CHLSN: variants seen among roughly 807,000 people sequenced by gnomAD.
The protein encoded by CHLSN is cholesin.
At chr7:1,126,359 CAAAAAAAAA>C in the CHLSN span, among the ~76,000 whole-genome samples, 5 of 40,514 alleles carry the variant, frequency 1.2e-4, no homozygotes, top group East Asian at 2.7e-3. Context: ...GACTCTGTCT[CAAAAAAAAA>C]AAAAAAAAAA....
the CHLSN span, chr7:1,058,269 A>T: frequency 2.1e-5 from 16 of 772,312 alleles, no homozygotes; most frequent in Non-Finnish European, 1.9e-5. Flanking sequence ...ACACTATCTG[A>T]TCCTGCTGGG....
chr7:1,090,477 T>C, the CHLSN span, among the ~76,000 whole-genome samples: 1 of 134,262 alleles, frequency 7.4e-6, no homozygotes, highest in East Asian at 2.2e-4. Flanking sequence ...TGACACGGGG[T>C]GGGTGATGGG....
At chr7:999,875 C>T in the CHLSN span, among the ~76,000 whole-genome samples, 2 of 152,240 alleles carry the variant, frequency 1.3e-5, no homozygotes, top group African/African-American at 4.8e-5. Flanking sequence ...CGCCCAGCAG[C>T]CGGGTTTAGT....
the CHLSN span, among the ~76,000 whole-genome samples, chr7:1,052,161 C>G: frequency 6.6e-6 from 1 of 152,252 alleles, no homozygotes; most frequent in Admixed American, 6.5e-5. The surrounding 1 kb of genome is among the most constrained non-coding windows in gnomAD (Gnocchi z 4.2). Context: ...CCTCCTGGCC[C>G]GAGATGCTGT....
the CHLSN span, chr7:1,021,325 C>A: frequency 2.4e-5 from 23 of 965,978 alleles, no homozygotes; most frequent in Non-Finnish European, 2.7e-5. Flanking sequence ...TTTCTTCTTC[C>A]CCAGAAGCCT....
At chr7:1,049,212 C>T in the CHLSN span, among the ~76,000 whole-genome samples, 1 of 152,254 alleles carries the variant, frequency 6.6e-6, no homozygotes, top group Non-Finnish European at 1.5e-5. Context: ...GTTTCCCCTG[C>T]ACACGTGTCC....
the CHLSN span, chr7:1,087,186 A>C: frequency 2.6e-5 from 4 of 152,214 alleles, no homozygotes; most frequent in African/African-American, 9.7e-5. Context: ...TGAAATCCGC[A>C]ACCATGAGCA....
chr7:1,019,766 T>C, the CHLSN span, among the ~76,000 whole-genome samples: 6 of 152,212 alleles, frequency 3.9e-5, no homozygotes, highest in Non-Finnish European at 5.9e-5. Context: ...ACTGGTTGGC[T>C]GTGGCCCTGA....
At chr7:1,092,766 G>C in the CHLSN span, 3 of 1,613,608 alleles carry the variant, frequency 1.9e-6, no homozygotes. Flanking sequence ...CAAATTTGCC[G>C]GCCCTGAACC....
chr7:1,019,117 G>A, the CHLSN span, among the ~76,000 whole-genome samples: 8 of 149,684 alleles, frequency 5.3e-5, no homozygotes, highest in East Asian at 5.9e-4. Context: ...GCTTGAACCC[G>A]CGGGGGGCAG....
the CHLSN span, among the ~76,000 whole-genome samples, chr7:1,098,833 G>T: frequency 6.6e-6 from 1 of 152,256 alleles, no homozygotes; most frequent in African/African-American, 2.4e-5. Context: ...GGGGTGAGCG[G>T]GGGACGGGGA....
At chr7:985,019 T>G in the CHLSN span, 2 of 1,611,928 alleles carry the variant, frequency 1.2e-6, no homozygotes, top group South Asian at 2.2e-5. Flanking sequence ...CTGCACAGCC[T>G]GGGCGTGGGC....
chr7:1,055,275 A>G, the CHLSN span: 1 of 471,050 alleles, frequency 2.1e-6, no homozygotes, highest in African/African-American at 2.0e-5. Context: ...GGAACTTACC[A>G]GAGGAAAACA....
chr7:1,031,915 C>T, the CHLSN span, among the ~76,000 whole-genome samples: 11 of 152,120 alleles, frequency 7.2e-5, no homozygotes, highest in South Asian at 1.0e-3. Context: ...GGGAACGGGC[C>T]GAGAGTGCGG....
the CHLSN span, among the ~76,000 whole-genome samples, chr7:1,067,300 G>T: frequency 1.0e-5 from 1 of 99,130 alleles, no homozygotes; most frequent in East Asian, 2.8e-4. Flanking sequence ...GGCACAGTCT[G>T]TTGGAGGCTG....
chr7:1,005,491 G>A, the CHLSN span, among the ~76,000 whole-genome samples: 71 of 152,384 alleles, frequency 4.7e-4, no homozygotes, highest in Non-Finnish European at 6.3e-4. Flanking sequence ...CGGGGCTGGC[G>A]CGGACAGGGG....
At chr7:1,052,213 G>T in the CHLSN span, among the ~76,000 whole-genome samples, 188 of 152,370 alleles carry the variant, frequency 1.2e-3, no homozygotes, top group East Asian at 0.018. This position sits in a 1 kb window ranked among gnomAD's most constrained non-coding sequence, Gnocchi z 4.2. Context: ...CAGGCTGAGT[G>T]GGTGAGGAGC....
chr7:986,856 G>C, the CHLSN span: 1 of 1,438,924 alleles, frequency 6.9e-7, no homozygotes, highest in East Asian at 2.5e-5. Context: ...GACACCCCAG[G>C]GGAGCACGGC....
the CHLSN span, among the ~76,000 whole-genome samples, chr7:1,110,869 C>T: frequency 6.6e-6 from 1 of 151,214 alleles, no homozygotes; most frequent in Admixed American, 6.6e-5. Context: ...ACCAAATGAC[C>T]AATATGTACA....
Sources: allele counts gnomAD v4.1 joint callset (sites outside exome capture counted in the v4.1 genomes callset), GRCh38; gene constraint gnomAD v4.1.1; non-coding constraint Gnocchi (gnomAD v3.1); transcripts MANE v1.5; gene names NCBI Gene and HGNC (gene_info 2026-07-23, HGNC 2026-07-21).